Variants in SEL1L2 observed in about 807,000 individuals in gnomAD.
SEL1L2 encodes the protein protein sel-1 homolog 2.
In SEL1L2, 89 loss-of-function variants were observed where a neutral mutation model predicts 98.8. That is an observed-to-expected ratio of 0.90 (90% CI 0.76 to 1.07). SEL1L2 has a LOEUF of 1.07. SEL1L2 is among the 50% of genes least tolerant of loss of function. The pLI, the probability that SEL1L2 is intolerant of heterozygous loss-of-function variation, is 0.00. For synonymous variants in SEL1L2, 262 were observed against 278.5 expected, an observed-to-expected ratio of 0.94 and a Z score of 0.59; for missense variants, 788 against 812.0, an observed-to-expected ratio of 0.97 and a Z score of 0.36.
chr20:13,851,849 T>C (rs905217684), intron 18 of SEL1L2, among the ~76,000 whole-genome samples: 1 of 150,884 alleles, frequency 6.6e-6, no homozygotes, highest in Admixed American at 6.6e-5. Flanking sequence ...GTTAAAACTG[T>C]GTTTTTTTGC....
At chr20:13,878,325 A>C (rs2046531209) in intron 10 of SEL1L2, among the ~76,000 whole-genome samples, 1 of 145,866 alleles carries the variant, frequency 6.9e-6, no homozygotes. Flanking sequence ...TTTTTTCGAG[A>C]CGGAGTCTCA....
intron 4 of SEL1L2, among the ~76,000 whole-genome samples, chr20:13,917,365 A>G (rs1444668494): frequency 6.6e-6 from 1 of 151,740 alleles, no homozygotes; most frequent in Admixed American, 6.6e-5. Context: ...GGTTGGTTGA[A>G]CCACCCCCTC....
At chr20:13,908,000 T>C (rs2048041470) in intron 5 of SEL1L2, among the ~76,000 whole-genome samples, 1 of 150,148 alleles carries the variant, frequency 6.7e-6, no homozygotes, top group East Asian at 2.0e-4. Flanking sequence ...TTGCCCAGGG[T>C]AGTCTTGAAC....
intron 10 of SEL1L2, among the ~76,000 whole-genome samples, chr20:13,879,678 T>A (rs6042408): frequency 0.077 from 11,670 of 152,130 alleles, 484 homozygotes; most frequent in African/African-American, 0.095. Flanking sequence ...TATTTTATTT[T>A]AAAAAATAGA....
intron 1 of SEL1L2, among the ~76,000 whole-genome samples, chr20:13,968,615 T>C (rs1913619724): frequency 6.6e-6 from 1 of 152,154 alleles, no homozygotes; most frequent in Non-Finnish European, 1.5e-5. Context: ...AAAATAATGA[T>C]GTGGTAGAAA....
intron 5 of SEL1L2, among the ~76,000 whole-genome samples, chr20:13,903,863 T>C (rs1005731402): frequency 6.6e-6 from 1 of 152,140 alleles, no homozygotes; most frequent in African/African-American, 2.4e-5. Context: ...GAGAATCCCG[T>C]CGAGTATTTC....
intron 1 of SEL1L2, among the ~76,000 whole-genome samples, chr20:13,965,956 C>CAAAAA (rs199731856): frequency 3.6e-5 from 4 of 110,254 alleles, no homozygotes; most frequent in Admixed American, 9.5e-5. Flanking sequence ...GATTCTGTCT[C>CAAAAA]AAAAAAAAAA....
At chr20:13,979,539 A>G (rs2051709149) in intron 1 of SEL1L2, among the ~76,000 whole-genome samples, 1 of 152,244 alleles carries the variant, frequency 6.6e-6, no homozygotes, top group African/African-American at 2.4e-5. Flanking sequence ...TTATGTATCA[A>G]CGAAAAACAA....
intron 2 of SEL1L2, among the ~76,000 whole-genome samples, chr20:13,946,783 T>C (rs538251291): frequency 2.1e-4 from 9 of 41,994 alleles, no homozygotes; most frequent in African/African-American, 8.4e-4. Context: ...CTGCCTGGCC[T>C]CTCCCAGCAC....
At chr20:13,855,757 T>C (rs1461489595) in intron 18 of SEL1L2, among the ~76,000 whole-genome samples, 1 of 152,226 alleles carries the variant, frequency 6.6e-6, no homozygotes, top group Non-Finnish European at 1.5e-5. Flanking sequence ...ATCTACTTCT[T>C]GGCTGCCTTA....
chr20:13,878,098 G>C (rs552296688), intron 10 of SEL1L2, among the ~76,000 whole-genome samples: 1 of 152,190 alleles, frequency 6.6e-6, no homozygotes, highest in East Asian at 1.9e-4. Context: ...AATTCCTTCT[G>C]ACTCAAATTG....
chr20:13,889,960 C>G (rs1479211703), intron 5 of SEL1L2, among the ~76,000 whole-genome samples: 3 of 152,140 alleles, frequency 2.0e-5, no homozygotes, highest in Admixed American at 6.5e-5. Flanking sequence ...GACTGCATTC[C>G]CTCACAGGGA....
intron 18 of SEL1L2, among the ~76,000 whole-genome samples, chr20:13,859,038 C>T (rs940883071): frequency 2.6e-5 from 4 of 152,230 alleles, no homozygotes; most frequent in Admixed American, 6.5e-5. Context: ...CTCTTCTACT[C>T]ACCAGTTATG....
intron 15 of SEL1L2, among the ~76,000 whole-genome samples, chr20:13,866,369 G>A (rs1365665577): frequency 6.6e-6 from 1 of 152,170 alleles, no homozygotes; most frequent in Non-Finnish European, 1.5e-5. Context: ...TGGTTCCCAA[G>A]TAGCAACTCC....
Position 13,890,621 on chromosome 20 carries a change from C to T in SEL1L2, c.550-2109G>A, listed in dbSNP as rs1329502864. On this transcript the variant is annotated intron_variant, in intron 5 of 19. Transcript: ENST00000284951. Reference sequence around the variant, plus strand: ...ACAACAACAACAACAACAAGGCACACCAGGAAACAGGAAAAGATGGTCCTA... The same window carrying T: ...ACAACAACAACAACAACAAGGCACATCAGGAAACAGGAAAAGATGGTCCTA... Among the ~76,000 whole-genome samples the T allele has an allele frequency of 4.0e-5, 6 of 151,786 alleles. No individual in the cohort carries two copies. In the East Asian group the frequency reaches 1.2e-3, roughly 29 times the overall value.
rs201545051 is a variant in SEL1L2 at position 13,878,085 on chromosome 20, G to A, written c.958-497C>T. Reference sequence around the variant, plus strand: ...GTCTTTATGCAGAAGTGAGCTTTGAGACAATTCCTTCTGACTCAAATTGAA... The same window carrying A: ...GTCTTTATGCAGAAGTGAGCTTTGAAACAATTCCTTCTGACTCAAATTGAA... On this transcript the variant is annotated intron_variant, in intron 10 of 19. Coordinates refer to ENST00000284951, the MANE Select transcript of SEL1L2 (RefSeq NM_025229.2). Among the ~76,000 whole-genome samples the A allele has an allele frequency of 2.6e-5, 4 of 152,142 alleles. No individual in the cohort carries two copies. In the East Asian group the frequency reaches 7.7e-4, roughly 29 times the overall value.
Position 13,870,172 on chromosome 20 carries a change from A to C in SEL1L2, c.1136T>G (p.Leu379Arg). Residue 379 changes from leucine to arginine, a missense_variant, in exon 13 of 20, where the codon CTT becomes CGT. Physicochemically the swap from Leu to Arg is moderately radical, Grantham distance 102. Coordinates refer to ENST00000284951, the MANE Select transcript of SEL1L2 (RefSeq NM_025229.2). ...GNAIGLHGLG[L>R]LYFHGKGVPL... ...AACTCCTTTTCCATGAAAGTAAAGAAGACCAAGCCCATGAAGGCCGATTGC... is the reference window on the plus strand; with the variant it reads ...AACTCCTTTTCCATGAAAGTAAAGACGACCAAGCCCATGAAGGCCGATTGC... 6.2e-7 allele frequency: 1 copy of C among 1,611,544 alleles called. No individual in the cohort carries two copies. Among genetic ancestry groups the C allele is most frequent in the Non-Finnish European group, 8.5e-7 (1 of 1,178,302 alleles).
In SEL1L2 at chr20:13,865,349, T is replaced by G; in HGVS notation, c.1570A>C (p.Lys524Gln). Residue 524 changes from lysine to glutamine, a missense_variant and splice_region_variant, in exon 16 of 20, where the codon AAA becomes CAA. Transcript: ENST00000284951. ...TGCAGAGAATTTTAACTCATCTTAC[T>G]AGATTCCAAAATGAATGCTGAATTG... ...QSNSAFILES[K>Q]KANILEKEKM... 6.2e-7 allele frequency: 1 copy of G among 1,613,960 alleles called. No individual in the cohort carries two copies. The highest frequency in any genetic ancestry group is 8.5e-7 in the Non-Finnish European group (1 of 1,179,864).
intron 5 of SEL1L2, among the ~76,000 whole-genome samples, chr20:13,891,427 G>C (rs2047198595): frequency 6.6e-6 from 1 of 152,114 alleles, no homozygotes; most frequent in South Asian, 2.1e-4. Flanking sequence ...CCAGTACTTT[G>C]GGAGGCCAAG....
Sources: allele counts gnomAD v4.1 joint callset (sites outside exome capture counted in the v4.1 genomes callset), GRCh38; gene constraint gnomAD v4.1.1; transcripts MANE v1.5; gene names NCBI Gene and HGNC (gene_info 2026-07-23, HGNC 2026-07-21).